The following NOA1 variants were observed in gnomAD, a reference collection of about 807,000 sequenced individuals.
The protein encoded by NOA1 is nitric oxide associated 1, also known as nitric oxide-associated protein 1.
NOA1 carries 35 observed loss-of-function variants against 58.4 expected under a neutral mutation model. The ratio of observed to expected loss-of-function variants is 0.60; its 90% CI spans 0.46 to 0.79. The LOEUF (loss-of-function observed/expected upper bound fraction) is 0.79, where lower values mean the gene tolerates loss of function less well. Ranked by LOEUF, NOA1 falls within the 30% of genes least tolerant of loss-of-function variation. The probability of loss-of-function intolerance (pLI) is 0.00; values close to 1 mark genes in which losing one functional copy is unlikely to be tolerated. For synonymous variants in NOA1, 397 were observed against 373.4 expected, an observed-to-expected ratio of 1.06 and a Z score of -0.73; for missense variants, 895 against 894.6, an observed-to-expected ratio of 1.00 and a Z score of -0.01.
At chr4:56,972,350 GCA>G (rs947153151) in intron 3 of NOA1, among the ~76,000 whole-genome samples, 1 of 152,194 alleles carries the variant, frequency 6.6e-6, no homozygotes, top group African/African-American at 2.4e-5. Context: ...CAGATTGTGG[GCA>G]CAGTGAATGC....
chr4:56,966,816 A>C, intron 4 of NOA1, 80 bp from the exon 5 acceptor site: 1 of 902,552 alleles, frequency 1.1e-6, no homozygotes, highest in Non-Finnish European at 1.8e-6. Flanking sequence ...ACTAAAAAAA[A>C]AACAAACCAA....
intron 1 of NOA1, among the ~76,000 whole-genome samples, chr4:56,974,727 T>G (rs950954610): frequency 6.6e-6 from 1 of 152,042 alleles, no homozygotes; most frequent in Non-Finnish European, 1.5e-5. Flanking sequence ...TCTTTCTTGT[T>G]TTTGAGACAG....
chr4:56,974,404 C>T (rs1417806432), intron 1 of NOA1, among the ~76,000 whole-genome samples: 2 of 152,194 alleles, frequency 1.3e-5, no homozygotes, highest in Non-Finnish European at 2.9e-5. Flanking sequence ...GTAATCCCAG[C>T]ACTTTGGGAG....
Position 56,976,761 on chromosome 4 carries a change from G to C in NOA1, c.825C>G (p.Ala275=). 6.2e-7 allele frequency: 1 copy of C among 1,609,558 alleles called. No homozygotes were observed. Among genetic ancestry groups the C allele is most frequent in the Non-Finnish European group, 8.5e-7 (1 of 1,177,384 alleles). The change falls in exon 1 of 7, where the codon GCC becomes GCG. Residue 275 remains alanine (A), a synonymous_variant. Coordinates refer to ENST00000264230, the MANE Select transcript of NOA1 (RefSeq NM_032313.4). The stretch of plus-strand genomic sequence containing the variant: ...GGTGGCCAGGGGCCAGCAGGAGCCC[G>C]GCGCGGGCACAGTCCTCCCACAGTC... The part of the protein sequence containing the change: ...RERLWEDCAR[A]GLLLAPGHQG...
chr4:56,963,425 A>G lies in NOA1; in HGVS notation c.*25T>C, dbSNP rs749247295. On this transcript the variant is annotated 3_prime_UTR_variant, in exon 7 of 7. Coordinates refer to ENST00000264230, the MANE Select transcript of NOA1 (RefSeq NM_032313.4). ...TATTTTGTTGTGTTCAATACAGTTA[A>G]TATCTGGAGTGAACAAGGTCGGTCT... is the stretch of plus-strand genomic sequence containing the variant. 1.3e-6 allele frequency: 2 copies of G among 1,544,132 alleles called. No individual in the cohort carries two copies. The highest frequency in any genetic ancestry group is 2.2e-5 in the South Asian group (2 of 89,540).
Position 56,968,369 on chromosome 4 carries a change from A to G in NOA1, c.1647+15T>C. On this transcript the variant is annotated intron_variant, in intron 4 of 6. Coordinates refer to ENST00000264230, the MANE Select transcript of NOA1 (RefSeq NM_032313.4). ...TATTTTAAAATCATTTTTTAATAGT[A>G]CAGACTTTTCTTACCTGCAGGAAAT... 6.2e-7 allele frequency: 1 copy of G among 1,606,508 alleles called. No individual in the cohort carries two copies. Among genetic ancestry groups the G allele is most frequent in the Non-Finnish European group, 8.5e-7 (1 of 1,178,190 alleles).
At chr4:56,964,568 T>C in intron 5 of NOA1, 42 bp from the exon 6 acceptor site, 1 of 1,596,742 alleles carries the variant, frequency 6.3e-7, no homozygotes, top group Non-Finnish European at 8.6e-7. Flanking sequence ...AAATTAAATT[T>C]CTTGGAACTC....
rs1721941413 is a variant in NOA1 at position 56,976,889 on chromosome 4, CG to C, written c.696del (p.Asp233ThrfsTer11). The C allele has an allele frequency of 4.3e-6, 7 of 1,612,926 alleles. No homozygotes were observed. The highest frequency in any genetic ancestry group is 5.9e-6 in the Non-Finnish European group (7 of 1,179,828). On this transcript the variant is annotated frameshift_variant, in exon 1 of 7. Coordinates refer to ENST00000264230, the MANE Select transcript of NOA1 (RefSeq NM_032313.4). LOFTEE classifies it high-confidence loss of function. ...DLLDLPDALL[P>X]DLPALVGPKQ... ...TTGGGGCCCACCAGCGCGGGCAAGT[CG>C]GGCAGCAGGGCGTCGGGCAGGTCCA...
chr4:56,963,737 T>G lies in NOA1; in HGVS notation c.1886-76A>C. 3 of 1,049,638 alleles carry G rather than the reference T, an allele frequency of 2.9e-6. No individual in the cohort carries two copies. In the South Asian group the frequency reaches 4.1e-5, roughly 14 times the overall value. The allele number at this position is 1,049,638 out of a possible 1,614,324, so 65.0% of individuals were successfully genotyped here. On this transcript the variant is annotated intron_variant, in intron 6 of 6. Coordinates refer to ENST00000264230, the MANE Select transcript of NOA1 (RefSeq NM_032313.4). ...AAAAATACCAAACCAAAGCTGAAAATGGACTATCAGAGAACGCTGTCACTC... is the reference window on the plus strand; with the variant it reads ...AAAAATACCAAACCAAAGCTGAAAAGGGACTATCAGAGAACGCTGTCACTC...
rs756729153 is a variant in NOA1, at chr4:56,977,515, C to A, written c.71G>T (p.Arg24Leu). ...FLRGSAPTAA[R>L]HGLREPLLER... ...CAGGAGCGGCTCCCGGAGGCCATGG[C>A]GCGCTGCCGTGGGAGCGGATCCACG... The change falls in exon 1 of 7, where the codon CGC becomes CTC. Residue 24 changes from arginine to leucine, a missense_variant. Arg to Leu is a moderately radical substitution (Grantham distance 102). This residue lies in a region of NOA1 where 680 missense variants were observed against 656.5 expected (regional missense o/e 1.04). Coordinates refer to ENST00000264230, the MANE Select transcript of NOA1 (RefSeq NM_032313.4). 5.0e-6 allele frequency: 8 copies of A among 1,613,054 alleles called. No homozygotes were observed. Among genetic ancestry groups the A allele is most frequent in the Non-Finnish European group, 5.1e-6 (6 of 1,179,792 alleles).
At chr4:56,973,392 A>C (rs554984903) in intron 2 of NOA1, 39 bp from the exon 3 acceptor site, 1 of 1,499,730 alleles carries the variant, frequency 6.7e-7, no homozygotes, top group African/African-American at 1.4e-5. Context: ...TCACTCCTTT[A>C]ATACTTTTAA....
chr4:56,963,581 G>A lies in NOA1; in HGVS notation c.1966C>T (p.Arg656Trp), dbSNP rs757311806. The change falls in exon 7 of 7, where the codon CGG becomes TGG. Residue 656 changes from arginine to tryptophan, a missense_variant. By Grantham distance (101) the Arg-to-Trp change is moderately radical (BLOSUM62 -3). This residue lies in a region of NOA1 where 212 missense variants were observed against 221.3 expected (regional missense o/e 0.96). Coordinates refer to ENST00000264230, the MANE Select transcript of NOA1 (RefSeq NM_032313.4). ...ACAATATATGGCAAGAGAGGGGGCCGGACGGTCAAAACTGTTCCTTCAGGT... is the reference window on the plus strand; with the variant it reads ...ACAATATATGGCAAGAGAGGGGGCCAGACGGTCAAAACTGTTCCTTCAGGT... ...YTPEGTVLTVRPPLLPYIVNI... is the reference protein window; with the variant it reads ...YTPEGTVLTVWPPLLPYIVNI... The A allele has an allele frequency of 9.3e-6, 15 of 1,613,924 alleles. No homozygotes were observed. The African/African-American group carries it at 9.3e-5, about 10-fold the overall frequency.
At chr4:56,968,564 T>C (rs1721758365) in intron 3 of NOA1, 49 bp from the exon 4 acceptor site, 3 of 1,380,170 alleles carry the variant, frequency 2.2e-6, no homozygotes, top group South Asian at 2.6e-5. Flanking sequence ...ATTGAAAATA[T>C]GATATATTAT....
At position 56,963,406 on chromosome 4, in the gene NOA1, G is replaced by A. The variant is rs780755808; in HGVS notation, c.*44C>T. The stretch of plus-strand genomic sequence containing the variant: ...GTTTAATACAAATTCAATGTATTTT[G>A]TTGTGTTCAATACAGTTAATATCTG... On this transcript the variant is annotated 3_prime_UTR_variant, in exon 7 of 7. Coordinates refer to ENST00000264230, the MANE Select transcript of NOA1 (RefSeq NM_032313.4). The A allele has an allele frequency of 1.1e-5, 16 of 1,396,580 alleles. No homozygotes were observed. The African/African-American group carries it at 2.3e-4, about 20-fold the overall frequency. The allele number at this position is 1,396,580 out of a possible 1,614,324, so 86.5% of individuals were successfully genotyped here.
chr4:56,974,261 T>G (rs1721858532), intron 1 of NOA1, among the ~76,000 whole-genome samples: 1 of 152,202 alleles, frequency 6.6e-6, no homozygotes, highest in South Asian at 2.1e-4. Flanking sequence ...AAAAGTAATT[T>G]TTCTGTAAAA....
At chr4:56,972,367 C>T (rs1436457839) in intron 3 of NOA1, among the ~76,000 whole-genome samples, 2 of 152,056 alleles carry the variant, frequency 1.3e-5, no homozygotes, top group East Asian at 1.9e-4. Flanking sequence ...GAATGCTCAA[C>T]GTTTGCTGGA....
At chr4:56,969,012 G>A (rs1721765783) in intron 3 of NOA1, among the ~76,000 whole-genome samples, 1 of 152,064 alleles carries the variant, frequency 6.6e-6, no homozygotes, top group Admixed American at 6.6e-5. Context: ...TCTAAATTCT[G>A]GTCTTCAATT....
At chr4:56,969,656 T>C (rs1167769047) in intron 3 of NOA1, among the ~76,000 whole-genome samples, 2 of 152,100 alleles carry the variant, frequency 1.3e-5, no homozygotes, top group African/African-American at 2.4e-5. Context: ...GGGCTGCAGA[T>C]AGTTTTCTTC....
intron 3 of NOA1, among the ~76,000 whole-genome samples, chr4:56,972,185 C>A (rs561395668): frequency 6.6e-6 from 1 of 152,192 alleles, no homozygotes; most frequent in African/African-American, 2.4e-5. Context: ...TGCGCCCGGT[C>A]GGAGTTAATG....
Sources: gnomAD v4.1 joint callset for allele counts (sites outside exome capture counted in the v4.1 genomes callset) on GRCh38, gnomAD v4.1.1 for gene constraint, gnomAD v4.1.1 regional missense constraint, MANE v1.5 for transcripts, NCBI Gene and HGNC (gene_info 2026-07-23, HGNC 2026-07-21) for gene names.